The following CEP41 variants were observed in gnomAD, a reference collection of about 807,000 sequenced individuals.
The protein encoded by CEP41 is centrosomal protein 41.
In CEP41, 32 loss-of-function variants were observed where a neutral mutation model predicts 44.3. That is an observed-to-expected ratio of 0.72 (90% CI 0.54 to 0.97). CEP41 has a LOEUF of 0.97. Among genes scored for constraint, CEP41 ranks in the 50% least tolerant of loss-of-function variants. CEP41 has a pLI of 0.00. For missense variants in CEP41, 432 were observed against 455.2 expected (o/e 0.95, Z 0.46); for synonymous variants, 151 against 168.5 (o/e 0.90, Z 0.80).
At chr7:130,411,623 T>G (rs1797184340) in intron 4 of CEP41, among the ~76,000 whole-genome samples, 1 of 152,248 alleles carries the variant, frequency 6.6e-6, no homozygotes, top group African/African-American at 2.4e-5. Context: ...TGTTTTATAC[T>G]TCTATACAGT....
chr7:130,399,189 C>A, intron 10 of CEP41, 150 bp from the exon 11 acceptor site: 1 of 877,852 alleles, frequency 1.1e-6, no homozygotes, highest in South Asian at 1.4e-5. Flanking sequence ...CCAACGATGG[C>A]CTACTCCTCA....
At chr7:130,407,253 AACACACACACACACACAC>A (rs60030288) in intron 5 of CEP41, among the ~76,000 whole-genome samples, 5 of 129,340 alleles carry the variant, frequency 3.9e-5, no homozygotes, top group African/African-American at 8.5e-5. Flanking sequence ...AACAAGAGTA[AACACACACACACACACAC>A]ACACACACAC....
At chr7:130,402,060 G>A (rs1337593440) in intron 7 of CEP41, 112 bp from the exon 8 acceptor site, 11 of 763,226 alleles carry the variant, frequency 1.4e-5, no homozygotes, top group South Asian at 8.6e-5. Context: ...AAATCCATGA[G>A]CTGCTGGGCA....
At chr7:130,426,338 T>C (rs1797660225) in intron 2 of CEP41, among the ~76,000 whole-genome samples, 1 of 151,860 alleles carries the variant, frequency 6.6e-6, no homozygotes, top group South Asian at 2.1e-4. Flanking sequence ...ATGAAATTAA[T>C]CTTAGGCACC....
At chr7:130,428,428 CAAAA>C (rs67847969) in intron 1 of CEP41, among the ~76,000 whole-genome samples, 3 of 38,082 alleles carry the variant, frequency 7.9e-5, no homozygotes, top group Admixed American at 3.7e-4. Context: ...GACTCTGACT[CAAAA>C]AAAAAAAAAA....
intron 2 of CEP41, chr7:130,420,107 A>G (rs1404479938): frequency 2.3e-5 from 23 of 980,534 alleles, no homozygotes; most frequent in Non-Finnish European, 2.8e-5. Flanking sequence ...GGATTGCTTG[A>G]GCCCAGGAGT....
At chr7:130,436,639 T>G (rs1797972176) in intron 1 of CEP41, among the ~76,000 whole-genome samples, 1 of 116,746 alleles carries the variant, frequency 8.6e-6, no homozygotes, top group Admixed American at 8.4e-5. Context: ...GACTTCTTTG[T>G]ACTATTTTTT....
intron 3 of CEP41, among the ~76,000 whole-genome samples, chr7:130,414,498 A>G (rs1797277046): frequency 6.6e-6 from 1 of 152,258 alleles, no homozygotes; most frequent in South Asian, 2.1e-4. Context: ...TTCTTTTGGT[A>G]TGGTTACAAG....
Position 130,395,898 on chromosome 7 carries a change from T to C in CEP41, c.*2993A>G, listed in dbSNP as rs1438976235. ...TAAAGGTTAAAAAAAAAAAAAAAGA[T>C]AAAAGATAAAATGAATGCAGGCCAT... is the stretch of plus-strand genomic sequence containing the variant. On this transcript the variant is annotated 3_prime_UTR_variant, in exon 11 of 11. Transcript: ENST00000223208. 4.6e-6 allele frequency: 2 copies of C among 437,400 alleles called. No homozygotes were observed. Among genetic ancestry groups the C allele is most frequent in the Non-Finnish European group, 9.0e-6 (2 of 222,398 alleles). 27.1% of individuals were successfully genotyped at this position (437,400 alleles called of 1,614,324 possible).
intron 4 of CEP41, 105 bp downstream of exon 4, chr7:130,412,074 C>G: frequency 1.3e-6 from 1 of 773,998 alleles, no homozygotes; most frequent in South Asian, 1.4e-5. Flanking sequence ...TACAAAGAAT[C>G]AGAAGAAACT....
At chr7:130,440,784 C>A in intron 1 of CEP41, 150 bp downstream of exon 1, 2 of 553,108 alleles carry the variant, frequency 3.6e-6, no homozygotes, top group South Asian at 1.6e-5. Context: ...CAAGCCCGGC[C>A]CGCCCCGCCC....
At position 130,418,334 on chromosome 7, in the gene CEP41, G is replaced by GA. The variant is rs375456516; in HGVS notation, c.98-1369dup. On this transcript the variant is annotated intron_variant, in intron 2 of 10. Coordinates refer to ENST00000223208, the MANE Select transcript of CEP41 (RefSeq NM_018718.3). ...AGGTTCTTCAAACTGCAATTGACCC[G>GA]AGATGTGACCAGATCTTCAGAGCAG... Among the ~76,000 whole-genome samples, 118 of 152,250 alleles carry GA rather than the reference G, an allele frequency of 7.8e-4. 1 individual carries two copies. The East Asian group carries it at 0.022, about 29-fold the overall frequency.
At chr7:130,416,208 C>A (rs1453954132) in intron 3 of CEP41, among the ~76,000 whole-genome samples, 1 of 152,252 alleles carries the variant, frequency 6.6e-6, no homozygotes, top group Non-Finnish European at 1.5e-5. Flanking sequence ...TAAATATCCC[C>A]TAGCACTGGG....
chr7:130,419,631 G>T, intron 2 of CEP41: 1 of 984,418 alleles, frequency 1.0e-6, no homozygotes, highest in Non-Finnish European at 1.2e-6. Context: ...TCCCAGATAA[G>T]ACTTTTTGAT....
chr7:130,416,867 A>C, intron 3 of CEP41, 52 bp downstream of exon 3: 2 of 1,357,864 alleles, frequency 1.5e-6, no homozygotes, highest in Non-Finnish European at 2.1e-6. Flanking sequence ...GAACCAATTT[A>C]TAGAACAACT....
At chr7:130,419,747 A>C in intron 2 of CEP41, 1 of 985,214 alleles carries the variant, frequency 1.0e-6, no homozygotes, top group Non-Finnish European at 1.2e-6. Flanking sequence ...ATGTTGCCTT[A>C]ATTACTTAAC....
At chr7:130,407,291 C>T (rs1554418417) in intron 5 of CEP41, among the ~76,000 whole-genome samples, 1 of 151,490 alleles carries the variant, frequency 6.6e-6, no homozygotes, top group Admixed American at 6.6e-5. Context: ...CACACACACA[C>T]ACACACTCAG....
At position 130,394,574 on chromosome 7, in the gene CEP41, G is replaced by C. The variant is rs1314695210; in HGVS notation, c.*4317C>G. 2.2e-6 allele frequency: 1 copy of C among 453,982 alleles called. No individual in the cohort carries two copies. The highest frequency in any genetic ancestry group is 7.0e-5 in the East Asian group (1 of 14,384). The allele number at this position is 453,982 out of a possible 1,614,324, so 28.1% of individuals were successfully genotyped here. A position where few individuals can be genotyped will look rare whatever the true frequency, so the allele number is the denominator to read the frequency against. ...TAATAACACCCCCAGCAGCTCTCTGGGTACTTCCTGTAGAGGGAGATCTAA... is the reference window on the plus strand; with the variant it reads ...TAATAACACCCCCAGCAGCTCTCTGCGTACTTCCTGTAGAGGGAGATCTAA... On this transcript the variant is annotated 3_prime_UTR_variant, in exon 11 of 11. Transcript: ENST00000223208.
chr7:130,430,141 T>G (rs1401866076), intron 1 of CEP41, among the ~76,000 whole-genome samples: 2 of 152,168 alleles, frequency 1.3e-5, no homozygotes, highest in Non-Finnish European at 2.9e-5. Flanking sequence ...TTACAAAATA[T>G]CTGTTGGCCA....
Sources: gnomAD v4.1 joint callset for allele counts (sites outside exome capture counted in the v4.1 genomes callset) on GRCh38, gnomAD v4.1.1 for gene constraint, MANE v1.5 for transcripts, NCBI Gene and HGNC (gene_info 2026-07-23, HGNC 2026-07-21) for gene names.